Variants in SRMS observed in about 807,000 individuals in gnomAD.
SRMS encodes tyrosine-protein kinase Srms.
A neutral mutation model predicts 43.5 loss-of-function variants in SRMS; 42 were observed. The observed-to-expected ratio is 0.97, with a 90% CI of 0.75 to 1.25. The LOEUF is 1.25. Ranked by LOEUF, SRMS falls within the 50% of genes most tolerant of loss-of-function variation. The pLI, the probability that SRMS is intolerant of heterozygous loss-of-function variation, is 0.00. For missense variants in SRMS, 703 were observed against 681.0 expected (o/e 1.03, Z -0.36); for synonymous variants, 316 against 308.2 (o/e 1.03, Z -0.27).
Position 63,547,373 on chromosome 20 carries a change from G to A in SRMS, c.91C>T (p.Pro31Ser). The change falls in exon 1 of 8, where the codon CCC becomes TCC. Residue 31 changes from proline (P) to serine (S), a missense_variant. Transcript: ENST00000217188. ...TCAGTGTTGGGGTCCAGGGACCCGG[G>A]GGTGCCATGGTCCGGCTCGCCGCCC... The part of the protein sequence containing the change: ...PAGGEPDHGT[P>S]GSLDPNTDPV... The A allele has an allele frequency of 6.3e-7, 1 of 1,575,502 alleles. No individual in the cohort carries two copies. The highest frequency in any genetic ancestry group is 8.6e-7 in the Non-Finnish European group (1 of 1,160,988).
chr20:63,546,578 C>T (rs1257515355), intron 1 of SRMS, among the ~76,000 whole-genome samples: 6 of 110,402 alleles, frequency 5.4e-5, no homozygotes, highest in Middle Eastern at 7.9e-3. Context: ...AGCGTGGGCC[C>T]GTCTCAGCCC....
rs1600943535 is a variant in SRMS, at chr20:63,540,516, C to T, written c.*302G>A. On this transcript the variant is annotated 3_prime_UTR_variant, in exon 8 of 8. Transcript: ENST00000217188. Reference sequence around the variant, plus strand: ...ACGGGGAACGTCAGCCCCAGCCCTCCGTCTGCACGAGTCACACTGCACGGG... The same window carrying T: ...ACGGGGAACGTCAGCCCCAGCCCTCTGTCTGCACGAGTCACACTGCACGGG... 6.6e-6 allele frequency among the ~76,000 whole-genome samples: 1 copy of T among 152,162 alleles called. No homozygotes were observed. The highest frequency in any genetic ancestry group is 2.1e-4 in the South Asian group (1 of 4,818).
chr20:63,541,129 G>A, intron 7 of SRMS, 62 bp downstream of exon 7: 1 of 1,552,826 alleles, frequency 6.4e-7, no homozygotes, highest in Non-Finnish European at 8.7e-7. Flanking sequence ...CAGCGTCCAG[G>A]CCCGGGGCCA....
In SRMS at chr20:63,541,108, C is replaced by T. The variant is rs1221785237; in HGVS notation, c.1285+83G>A. On this transcript the variant is annotated intron_variant, in intron 7 of 7. Transcript: ENST00000217188. ...GCCTGCCCTTGGCCAGACCCTCCAA[C>T]CCCTTGCCGACAGCGTCCAGGCCCG... 19 of 1,565,490 alleles carry T rather than the reference C, an allele frequency of 1.2e-5. No homozygotes were observed. In the Admixed American group the frequency reaches 3.8e-4, roughly 31 times the overall value.
rs775845157 is a variant in SRMS at position 63,541,506 on chromosome 20, C to T, written c.1061G>A (p.Arg354Gln). Residue 354 changes from arginine (R) to glutamine (Q), a missense_variant, in exon 6 of 8, where the codon CGG (arginine) becomes CAG (glutamine). Transcript: ENST00000217188. ...QRVVHRDLAA[R>Q]NVLVDDGLAC... is the part of the protein sequence containing the mutation. ...CAGGCCGTCGTCCACGAGCACGTTC[C>T]GGGCGGCCAAGTCCCGGTGCACAAC... is the stretch of plus-strand genomic sequence containing the variant. The T allele has an allele frequency of 8.1e-6, 13 of 1,607,534 alleles. No homozygotes were observed. Among genetic ancestry groups the T allele is most frequent in the South Asian group, 2.2e-5 (2 of 90,740 alleles).
rs761600071 is a variant in SRMS at position 63,541,367 on chromosome 20, C to T, written c.1129-20G>A. On this transcript the variant is annotated intron_variant, in intron 6 of 7. Transcript: ENST00000217188. ...GTCGTCCTGGGGGCGAGGGAAGGCCCCTGGTAGGGCAGGTGGACCGGGGTC... is the reference window on the plus strand; with the variant it reads ...GTCGTCCTGGGGGCGAGGGAAGGCCTCTGGTAGGGCAGGTGGACCGGGGTC... 1.3e-6 allele frequency: 2 copies of T among 1,543,140 alleles called. No homozygotes were observed. Among genetic ancestry groups the T allele is most frequent in the South Asian group, 1.2e-5 (1 of 81,268 alleles).
intron 1 of SRMS, among the ~76,000 whole-genome samples, chr20:63,546,194 G>GC (rs1195513446): frequency 2.6e-5 from 4 of 152,248 alleles, no homozygotes; most frequent in African/African-American, 7.2e-5. Context: ...AAGGCTGCTT[G>GC]CCCCCCAACC....
intron 3 of SRMS, among the ~76,000 whole-genome samples, chr20:63,542,930 G>T (rs1283970133): frequency 6.6e-6 from 1 of 152,178 alleles, no homozygotes; most frequent in East Asian, 1.9e-4. Context: ...GGGATCCAGT[G>T]TCTCCAGCCC....
rs767670731 is a variant in SRMS at position 63,542,549 on chromosome 20, T to C, written c.678A>G (p.Pro226=). Residue 226 remains proline (P), a synonymous_variant, in exon 4 of 8, where the codon CCA becomes CCG. Coordinates refer to ENST00000217188, the MANE Select transcript of SRMS (RefSeq NM_080823.4). ...KAPRQDVWER[P]HSEFALGRKL... ...TCCTCCCAAGGGCGAATTCGGAGTGTGGCCGCTCCCACACGTCCTGCCTCG... is the reference window on the plus strand; with the variant it reads ...TCCTCCCAAGGGCGAATTCGGAGTGCGGCCGCTCCCACACGTCCTGCCTCG... 1 of 1,472,302 alleles carries C rather than the reference T, an allele frequency of 6.8e-7. No individual in the cohort carries two copies. Among genetic ancestry groups the C allele is most frequent in the East Asian group, 3.1e-5 (1 of 31,928 alleles). 91.2% of individuals were successfully genotyped at this position (1,472,302 alleles called of 1,614,324 possible). A position where few individuals can be genotyped will look rare whatever the true frequency, so the allele number is the denominator to read the frequency against.
intron 3 of SRMS, 146 bp from the exon 4 acceptor site, chr20:63,542,727 G>T: frequency 8.9e-7 from 1 of 1,124,144 alleles, no homozygotes; most frequent in Non-Finnish European, 1.2e-6. Flanking sequence ...GGGAGTGGGT[G>T]CCAGGCTTGG....
chr20:63,541,460 G>T lies in SRMS; in HGVS notation c.1107C>A (p.Phe369Leu). ...DDGLACKVAD[F>L]GLARLLKDDI... is the part of the protein sequence containing the mutation. ...TGACCTTGAGCAGCCGGGCCAGGCC[G>T]AAGTCAGCCACCTTGCAGGCCAGGC... The change falls in exon 6 of 8, where the codon TTC (phenylalanine) becomes TTA (leucine). Residue 369 changes from phenylalanine to leucine, a missense_variant. Phe to Leu is a conservative substitution (Grantham distance 22). Transcript: ENST00000217188. 1 of 1,605,558 alleles carries T rather than the reference G, an allele frequency of 6.2e-7. No homozygotes were observed. Among genetic ancestry groups the T allele is most frequent in the Non-Finnish European group, 8.5e-7 (1 of 1,178,780 alleles).
In SRMS at chr20:63,542,174, G is replaced by T. The variant is rs573243109; in HGVS notation, c.935C>A (p.Ala312Asp). The change falls in exon 5 of 8, where the codon GCC becomes GAC. Residue 312 changes from alanine to aspartate, a missense_variant. By Grantham distance (126) the Ala-to-Asp change is moderately radical. Transcript: ENST00000217188. Reference sequence around the variant, plus strand: ...GGGAGGGGACTCACTGCCCAGGAAGGCCTGCAGGTTCCCCTTGCGCATGAG... The same window carrying T: ...GGGAGGGGACTCACTGCCCAGGAAGTCCTGCAGGTTCCCCTTGCGCATGAG... ...TELMRKGNLQ[A>D]FLGTPEGRAL... is the part of the protein sequence containing the mutation. 21 of 1,609,414 alleles carry T rather than the reference G, an allele frequency of 1.3e-5. No homozygotes were observed. Among genetic ancestry groups the T allele is most frequent in the South Asian group, 8.8e-5 (8 of 90,936 alleles).
At position 63,538,645 on chromosome 20, in the gene SRMS, G is replaced by A. The variant is rs1296896172; in HGVS notation, c.*2173C>T. ...GACCAAGGTGGGGAGGGGCAGCGGG[G>A]TGCCGGCCTGGGCAGTGTCCCTCAG... is the stretch of plus-strand genomic sequence containing the variant. On this transcript the variant is annotated 3_prime_UTR_variant, in exon 8 of 8. Coordinates refer to ENST00000217188, the MANE Select transcript of SRMS (RefSeq NM_080823.4). 6.6e-6 allele frequency among the ~76,000 whole-genome samples: 1 copy of A among 151,126 alleles called. No homozygotes were observed. Among genetic ancestry groups the A allele is most frequent in the Non-Finnish European group, 1.5e-5 (1 of 67,692 alleles).
At chr20:63,541,654 G>T in intron 5 of SRMS, 34 bp from the exon 6 acceptor site, 4 of 1,471,450 alleles carry the variant, frequency 2.7e-6, no homozygotes, top group Non-Finnish European at 3.6e-6. Context: ...TTTAGGGCAC[G>T]GGGCCAACGG....
chr20:63,545,963 G>C (rs1327227098), intron 1 of SRMS, among the ~76,000 whole-genome samples: 1 of 152,170 alleles, frequency 6.6e-6, no homozygotes, highest in African/African-American at 2.4e-5. Context: ...GGGATCCTGA[G>C]ATGCAGAGGA....
rs988267484 is a variant in SRMS, at chr20:63,540,128, T to C, written c.*690A>G. ...TGAGCCTGTGTGTGATGTGCGCCTGTGTGCGTGTCTGAGTGGGTCAGTCCC... is the reference window on the plus strand; with the variant it reads ...TGAGCCTGTGTGTGATGTGCGCCTGCGTGCGTGTCTGAGTGGGTCAGTCCC... On this transcript the variant is annotated 3_prime_UTR_variant, in exon 8 of 8. Transcript: ENST00000217188. Among the ~76,000 whole-genome samples, 1 of 152,224 alleles carries C rather than the reference T, an allele frequency of 6.6e-6. No individual in the cohort carries two copies. Among genetic ancestry groups the C allele is most frequent in the Non-Finnish European group, 1.5e-5 (1 of 68,038 alleles).
Position 63,547,569 on chromosome 20 carries a change from C to A in SRMS, c.-106G>T. 2 of 1,123,294 alleles carry A rather than the reference C, an allele frequency of 1.8e-6. No individual in the cohort carries two copies. The highest frequency in any genetic ancestry group is 2.4e-6 in the Non-Finnish European group (2 of 831,094). The allele number at this position is 1,123,294 out of a possible 1,614,324, so 69.6% of individuals were successfully genotyped here. The stretch of plus-strand genomic sequence containing the variant: ...CGGTGTCCAGCGCTCCCTGCCCTGG[C>A]CGTGGGGTGACAGGGGACCCCGGCC... On this transcript the variant is annotated 5_prime_UTR_variant, in exon 1 of 8. Transcript: ENST00000217188.
At chr20:63,541,135 G>GT (rs2145982379) in intron 7 of SRMS, 56 bp downstream of exon 7, 2 of 1,550,366 alleles carry the variant, frequency 1.3e-6, no homozygotes, top group East Asian at 4.5e-5. Flanking sequence ...CCAGGCCCGG[G>GT]GCCAGTGACT....
At chr20:63,545,130 G>A (rs958951850) in intron 1 of SRMS, among the ~76,000 whole-genome samples, 10 of 152,194 alleles carry the variant, frequency 6.6e-5, no homozygotes, top group African/African-American at 2.2e-4. Flanking sequence ...AGCCCACACC[G>A]GGTGTCGGGA....
Sources: allele counts gnomAD v4.1 joint callset (sites outside exome capture counted in the v4.1 genomes callset), GRCh38; gene constraint gnomAD v4.1.1; transcripts MANE v1.5; gene names NCBI Gene and HGNC (gene_info 2026-07-23, HGNC 2026-07-21).